Variants in KSR2 observed in about 807,000 individuals in gnomAD.
The protein encoded by KSR2 is kinase suppressor of ras 2.
KSR2 carries 25 observed loss-of-function variants against 107.8 expected under a neutral mutation model. That is an observed-to-expected ratio of 0.23 (90% confidence interval 0.17 to 0.32). KSR2 has a LOEUF of 0.32. Among genes scored for constraint, KSR2 ranks in the 10% least tolerant of loss-of-function variants. The probability of loss-of-function intolerance (pLI) is 1.00; values close to 1 mark genes in which losing one functional copy is unlikely to be tolerated. For synonymous variants in KSR2, 480 were observed against 507.0 expected (o/e 0.95, Z 0.71); for missense variants, 887 against 1,268.9 (o/e 0.70, Z 4.57).
intron 1 of KSR2, among the ~76,000 whole-genome samples, chr12:117,895,938 A>C (rs1489336280): frequency 6.6e-6 from 1 of 152,166 alleles, no homozygotes; most frequent in Non-Finnish European, 1.5e-5. Flanking sequence ...GGGTGCCTTT[A>C]ATCTCAGCTA....
chr12:117,511,922 G>T (rs1287621168), intron 14 of KSR2, among the ~76,000 whole-genome samples: 1 of 151,104 alleles, frequency 6.6e-6, no homozygotes, highest in Non-Finnish European at 1.5e-5. Flanking sequence ...TCCTTGCTGG[G>T]AACTGTTGCT....
chr12:117,789,806 G>T (rs982645603), intron 3 of KSR2, among the ~76,000 whole-genome samples: 2 of 152,124 alleles, frequency 1.3e-5, no homozygotes, highest in African/African-American at 4.8e-5. Context: ...ATACAGCAGG[G>T]AACAAAACAG....
At chr12:117,733,474 G>A (rs905715606) in intron 4 of KSR2, among the ~76,000 whole-genome samples, 9 of 152,086 alleles carry the variant, frequency 5.9e-5, no homozygotes, top group Non-Finnish European at 1.5e-5. Context: ...CCCACTACCT[G>A]TTTTTGTAAA....
At chr12:117,902,497 A>C (rs1194277382) in intron 1 of KSR2, among the ~76,000 whole-genome samples, 1 of 103,036 alleles carries the variant, frequency 9.7e-6, no homozygotes, top group African/African-American at 4.4e-5. Flanking sequence ...CTCTGTCTTA[A>C]AAAAAAAAAA....
At chr12:117,571,465 G>A (rs1254456669) in intron 7 of KSR2, among the ~76,000 whole-genome samples, 1 of 152,132 alleles carries the variant, frequency 6.6e-6, no homozygotes, top group East Asian at 1.9e-4. Flanking sequence ...CACTGGCTCT[G>A]AACCACCTGG....
chr12:117,866,040 T>TATTTA (rs1893458225), intron 1 of KSR2, among the ~76,000 whole-genome samples: 2 of 143,140 alleles, frequency 1.4e-5, no homozygotes, highest in Admixed American at 1.4e-4. Flanking sequence ...ATCTCTCTCT[T>TATTTA]TTTTTTTTTT....
intron 4 of KSR2, among the ~76,000 whole-genome samples, chr12:117,694,245 G>A (rs999138139): frequency 2.6e-5 from 4 of 152,112 alleles, no homozygotes; most frequent in Non-Finnish European, 5.9e-5. Flanking sequence ...TCAAGGGCAG[G>A]GCCAGGTGGA....
chr12:117,663,440 C>T (rs1432066126), intron 5 of KSR2, among the ~76,000 whole-genome samples: 5 of 152,170 alleles, frequency 3.3e-5, no homozygotes, highest in African/African-American at 1.2e-4. Context: ...ATTGTCAACA[C>T]AATACATGCC....
chr12:117,501,603 G>A (rs1873380948), intron 14 of KSR2, among the ~76,000 whole-genome samples: 1 of 152,246 alleles, frequency 6.6e-6, no homozygotes. Context: ...ACATGAGAAA[G>A]AGCCAGCAAG....
intron 1 of KSR2, among the ~76,000 whole-genome samples, chr12:117,915,604 C>T (rs2137441770): frequency 6.6e-6 from 1 of 152,286 alleles, no homozygotes; most frequent in South Asian, 2.1e-4. Flanking sequence ...AGGCTGATCA[C>T]AGACAAAAAT....
At chr12:117,952,086 G>A (rs1040994148) in intron 1 of KSR2, among the ~76,000 whole-genome samples, 2 of 151,834 alleles carry the variant, frequency 1.3e-5, no homozygotes, top group Non-Finnish European at 2.9e-5. Flanking sequence ...TATACAATGT[G>A]GTGACTATAG....
intron 3 of KSR2, among the ~76,000 whole-genome samples, chr12:117,810,261 T>A (rs2062906): frequency 0.16 from 24,365 of 152,178 alleles, 2,425 homozygotes; most frequent in East Asian, 0.41. Context: ...CTCTACAGTA[T>A]CTCCATCAAC....
intron 1 of KSR2, among the ~76,000 whole-genome samples, chr12:117,942,585 C>T (rs1030517628): frequency 1.3e-5 from 2 of 150,866 alleles, no homozygotes; most frequent in African/African-American, 4.9e-5. Context: ...ACCTCCCAGG[C>T]TCAAGCAATC....
intron 1 of KSR2, among the ~76,000 whole-genome samples, chr12:117,916,008 A>G (rs991347331): frequency 6.6e-6 from 1 of 151,942 alleles, no homozygotes; most frequent in Non-Finnish European, 1.5e-5. Context: ...AGCCCAATGC[A>G]TTCTGATATC....
intron 18 of KSR2, 121 bp downstream of exon 18, chr12:117,471,070 A>G (rs1362542377): frequency 4.5e-5 from 55 of 1,219,338 alleles, no homozygotes; most frequent in Non-Finnish European, 6.0e-5. Flanking sequence ...GTTGGAATGC[A>G]TATTTTTTTG....
At chr12:117,644,195 A>G (rs1363363246) in intron 5 of KSR2, among the ~76,000 whole-genome samples, 1 of 152,240 alleles carries the variant, frequency 6.6e-6, no homozygotes, top group Non-Finnish European at 1.5e-5. Flanking sequence ...GACAGTAATC[A>G]GTGTGTTAGT....
Position 117,907,918 on chromosome 12 carries a change from A to T in KSR2, c.181-47487T>A, listed in dbSNP as rs897340023. Among the ~76,000 whole-genome samples the T allele has an allele frequency of 2.0e-5, 3 of 152,176 alleles. No individual in the cohort carries two copies. ...CTGCTTGTCTTATAGAGAGAAAAAAATCAACTAGAAGTCTCTACTGAGGGC... is the reference window on the plus strand; with the variant it reads ...CTGCTTGTCTTATAGAGAGAAAAAATTCAACTAGAAGTCTCTACTGAGGGC... On this transcript the variant is annotated intron_variant, in intron 1 of 19. Transcript: ENST00000339824. The surrounding 1 kb of genome is among the most constrained non-coding windows in gnomAD (Gnocchi z 4.3).
chr12:117,528,446 C>T (rs549716977), intron 12 of KSR2, among the ~76,000 whole-genome samples: 2 of 152,212 alleles, frequency 1.3e-5, no homozygotes, highest in South Asian at 4.2e-4. Flanking sequence ...TAGATTCCCC[C>T]TTCCCCATCC....
chr12:117,732,964 A>G (rs573203940), intron 4 of KSR2, among the ~76,000 whole-genome samples: 2 of 152,308 alleles, frequency 1.3e-5, no homozygotes, highest in African/African-American at 4.8e-5. Context: ...AGCAGATGGC[A>G]GTGCCTCCCA....
Sources: gnomAD v4.1 joint callset for allele counts (sites outside exome capture counted in the v4.1 genomes callset) on GRCh38, gnomAD v4.1.1 for gene constraint, Gnocchi (gnomAD v3.1) non-coding constraint, MANE v1.5 for transcripts, NCBI Gene and HGNC (gene_info 2026-07-23, HGNC 2026-07-21) for gene names.